MMP26: variants seen among roughly 807,000 people sequenced by gnomAD.
The protein encoded by MMP26 is matrix metalloproteinase-26.
Under a neutral mutation model 31.0 loss-of-function variants are expected in MMP26, and 33 were observed. The ratio of observed to expected loss-of-function variants is 1.06; its 90% CI spans 0.81 to 1.42. The LOEUF is 1.42. Among genes scored for constraint, MMP26 ranks in the 40% most tolerant of loss-of-function variants. The probability of loss-of-function intolerance (pLI) is 0.00; values close to 1 mark genes in which losing one functional copy is unlikely to be tolerated. For synonymous variants in MMP26, 122 were observed against 114.9 expected, an observed-to-expected ratio of 1.06 and a Z score of -0.40; for missense variants, 347 against 316.1, an observed-to-expected ratio of 1.10 and a Z score of -0.74.
In MMP26 at chr11:4,716,601, T is replaced by C. The variant is rs1042285492; in HGVS notation, c.-217+11556T>C. On this transcript the variant is annotated intron_variant, in intron 1 of 7. Transcript: ENST00000380390. ...GATTGTATGAATAGAAAAAATCTCT[T>C]ATGCTTTTGAAGCAAAGAAGATAAT... Among the ~76,000 whole-genome samples the C allele has an allele frequency of 4.0e-5, 6 of 150,894 alleles. 1 individual carries two copies. Among genetic ancestry groups the C allele is most frequent in the Admixed American group, 4.0e-4 (6 of 15,168 alleles).
chr11:4,920,174 A>G lies in MMP26; in HGVS notation c.-144-67894A>G, dbSNP rs118172730. Among the ~76,000 whole-genome samples the G allele has an allele frequency of 2.5e-4, 38 of 152,284 alleles. No homozygotes were observed. In the East Asian group the frequency reaches 5.8e-3, roughly 23 times the overall value. ...ATTTCTGTCTTTATGGGACCTTTTT[A>G]TAAGTGCTCTTTGTGGTCTCTTTAA... On this transcript the variant is annotated intron_variant, in intron 2 of 7. Transcript: ENST00000380390.
intron 2 of MMP26, chr11:4,955,011 C>G (rs2570571): frequency 0.32 from 397,237 of 1,257,938 alleles, 129,142 homozygotes; most frequent in Non-Finnish European, 0.33. Flanking sequence ...GCCTTAAGCT[C>G]CTCCTTTTTG....
At chr11:4,959,295 A>G (rs1207245344) in intron 2 of MMP26, among the ~76,000 whole-genome samples, 1 of 151,032 alleles carries the variant, frequency 6.6e-6, no homozygotes, top group Admixed American at 6.6e-5. Context: ...TTTCTATTAC[A>G]TTGCAATTTG....
At chr11:4,856,301 A>T (rs943890479) in intron 2 of MMP26, among the ~76,000 whole-genome samples, 6 of 152,234 alleles carry the variant, frequency 3.9e-5, no homozygotes, top group Admixed American at 3.3e-4. Context: ...GTCAAGACCC[A>T]TCAGTGTGCT....
At chr11:4,760,627 T>C (rs1435595093) in intron 1 of MMP26, among the ~76,000 whole-genome samples, 2 of 152,228 alleles carry the variant, frequency 1.3e-5, no homozygotes, top group Non-Finnish European at 2.9e-5. Flanking sequence ...ATTCCCATTT[T>C]TCAGGTGAGG....
chr11:4,830,461 C>A (rs1195638012), intron 2 of MMP26, among the ~76,000 whole-genome samples: 1 of 152,138 alleles, frequency 6.6e-6, no homozygotes, highest in Non-Finnish European at 1.5e-5. Context: ...CTTGTATTTA[C>A]ATGATGAATA....
chr11:4,895,511 C>T (rs572870509), intron 2 of MMP26, among the ~76,000 whole-genome samples: 2 of 152,302 alleles, frequency 1.3e-5, no homozygotes, highest in East Asian at 1.9e-4. Flanking sequence ...CCCTATCCCA[C>T]AAAGAGTTCT....
At chr11:4,960,786 A>C (rs979230397) in intron 2 of MMP26, among the ~76,000 whole-genome samples, 1 of 152,170 alleles carries the variant, frequency 6.6e-6, no homozygotes, top group Non-Finnish European at 1.5e-5. Flanking sequence ...GAGAAATATA[A>C]AAAGCATAGC....
intron 2 of MMP26, among the ~76,000 whole-genome samples, chr11:4,780,881 A>T (rs1031714914): frequency 1.3e-5 from 2 of 151,620 alleles, no homozygotes; most frequent in African/African-American, 4.8e-5. Context: ...ATAAATCTTT[A>T]TAGGTAAATA....
intron 2 of MMP26, chr11:4,923,754 CAAT>C: frequency 6.2e-7 from 1 of 1,614,044 alleles, no homozygotes; most frequent in Non-Finnish European, 8.5e-7. Flanking sequence ...ATGTGATTGA[CAAT>C]GATGCTAGAG....
intron 2 of MMP26, among the ~76,000 whole-genome samples, chr11:4,792,237 A>C (rs922307201): frequency 3.9e-5 from 6 of 152,116 alleles, no homozygotes; most frequent in Non-Finnish European, 8.8e-5. Context: ...AGTTCAGTTC[A>C]CAAAGACAGA....
intron 2 of MMP26, among the ~76,000 whole-genome samples, chr11:4,798,513 C>T (rs949251743): frequency 6.6e-6 from 1 of 152,244 alleles, no homozygotes; most frequent in African/African-American, 2.4e-5. Context: ...CATGCCTCTA[C>T]TCTCCATTGA....
chr11:4,821,781 G>A, intron 2 of MMP26: 1 of 1,613,528 alleles, frequency 6.2e-7, no homozygotes, highest in Non-Finnish European at 8.5e-7. Context: ...TACTGGCCAT[G>A]GCCTTTGATC....
At chr11:4,885,730 TTAAGA>T (rs1201735734) in intron 2 of MMP26, among the ~76,000 whole-genome samples, 1 of 152,138 alleles carries the variant, frequency 6.6e-6, no homozygotes, top group African/African-American at 2.4e-5. Context: ...CATTTATAAA[TTAAGA>T]TAATAGTTTA....
chr11:4,957,522 C>T (rs1315711896), intron 2 of MMP26, among the ~76,000 whole-genome samples: 1 of 151,986 alleles, frequency 6.6e-6, no homozygotes. Context: ...TCGTCCTTTC[C>T]CCCGATGAGA....
At chr11:4,960,776 G>A (rs1338573673) in intron 2 of MMP26, among the ~76,000 whole-genome samples, 1 of 151,876 alleles carries the variant, frequency 6.6e-6, no homozygotes, top group Non-Finnish European at 1.5e-5. Context: ...GGATTTATTT[G>A]AGAAATATAA....
At chr11:4,804,072 C>G in intron 2 of MMP26, 1 of 1,614,038 alleles carries the variant, frequency 6.2e-7, no homozygotes, top group Non-Finnish European at 8.5e-7. Context: ...TGAAGAACAC[C>G]TGGATGAGGC....
intron 2 of MMP26, among the ~76,000 whole-genome samples, chr11:4,873,465 C>T (rs779961673): frequency 1.8e-4 from 27 of 152,018 alleles, no homozygotes; most frequent in Non-Finnish European, 2.6e-4. Context: ...TGTCTTGAAC[C>T]CTGCAACAGC....
intron 2 of MMP26, chr11:4,890,014 G>T: frequency 6.2e-6 from 1 of 162,568 alleles, no homozygotes. Flanking sequence ...AGGAATGAGA[G>T]AGTAGGCTTT....
Sources: gnomAD v4.1 joint callset for allele counts (sites outside exome capture counted in the v4.1 genomes callset) on GRCh38, gnomAD v4.1.1 for gene constraint, MANE v1.5 for transcripts, NCBI Gene and HGNC (gene_info 2026-07-23, HGNC 2026-07-21) for gene names.